The following PKIB variants were observed in gnomAD, a reference collection of about 807,000 sequenced individuals.
PKIB encodes PKI-beta.
PKIB carries 2 observed loss-of-function variants against 4.5 expected under a neutral mutation model. The ratio of observed to expected loss-of-function variants is 0.44; its 90% CI spans 0.18 to 1.39. The LOEUF is 1.39. Among genes scored for constraint, PKIB ranks in the 40% most tolerant of loss-of-function variants. The pLI is 0.27. For synonymous variants in PKIB, 38 were observed against 36.0 expected (o/e 1.06, Z -0.20); for missense variants, 94 against 92.6 (o/e 1.02, Z -0.06).
intron 2 of PKIB, among the ~76,000 whole-genome samples, chr6:122,519,779 A>G (rs1776879318): frequency 6.6e-6 from 1 of 152,214 alleles, no homozygotes; most frequent in Non-Finnish European, 1.5e-5. Flanking sequence ...TGACAGCATA[A>G]TAAATGTTGT....
intron 2 of PKIB, among the ~76,000 whole-genome samples, chr6:122,488,346 G>A (rs555756598): frequency 2.5e-4 from 38 of 152,050 alleles, no homozygotes; most frequent in Admixed American, 2.2e-3. Flanking sequence ...TATTTGCTAC[G>A]TATTTGGCAA....
rs60814813 is a variant in PKIB, at chr6:122,521,532, T to A, written c.-248+43593T>A. Reference sequence around the variant, plus strand: ...TGTCTTTACTAAAAATACAAAAAATTAGCTGGGCGTGGTGGTGGGCGCCTG... The same window carrying A: ...TGTCTTTACTAAAAATACAAAAAATAAGCTGGGCGTGGTGGTGGGCGCCTG... On this transcript the variant is annotated intron_variant, in intron 2 of 6. Transcript: ENST00000392491. 7.6e-3 allele frequency among the ~76,000 whole-genome samples: 1,156 copies of A among 151,706 alleles called. 56 individuals carry two copies. In the East Asian group the frequency reaches 0.14, roughly 18 times the overall value.
intron 2 of PKIB, among the ~76,000 whole-genome samples, chr6:122,651,898 TA>T (rs1368996326): frequency 6.6e-6 from 1 of 152,200 alleles, no homozygotes; most frequent in Admixed American, 6.5e-5. Context: ...TAAAATGCTC[TA>T]AGGCATGAAA....
At chr6:122,611,531 T>TA (rs1301809103) in intron 1 of PKIB, among the ~76,000 whole-genome samples, 4 of 152,264 alleles carry the variant, frequency 2.6e-5, no homozygotes, top group Non-Finnish European at 4.4e-5. Flanking sequence ...AAAAAAATTT[T>TA]AAAAAAACTC....
At chr6:122,498,544 C>G (rs1234929728) in intron 2 of PKIB, among the ~76,000 whole-genome samples, 1 of 152,054 alleles carries the variant, frequency 6.6e-6, no homozygotes, top group Non-Finnish European at 1.5e-5. Context: ...CACAACATAC[C>G]AAAATCTCTG....
chr6:122,577,443 A>AC (rs1370489897), intron 2 of PKIB, among the ~76,000 whole-genome samples: 1 of 152,202 alleles, frequency 6.6e-6, no homozygotes, highest in Non-Finnish European at 1.5e-5. Flanking sequence ...GATTTGATGA[A>AC]CATTTGTGAT....
In PKIB at chr6:122,673,195, G is replaced by T. The variant is rs111609705; in HGVS notation, c.-75-1883G>T. Among the ~76,000 whole-genome samples the T allele has an allele frequency of 3.9e-3, 588 of 152,002 alleles. 2 individuals are homozygous for T. The highest frequency in any genetic ancestry group is 0.013 in the African/African-American group (546 of 41,498). ...TGTAAAAAAAATTAATCATGGAAAG[G>T]TTATAAAATTATAGGGATATTTTAA... is the stretch of plus-strand genomic sequence containing the variant. On this transcript the variant is annotated intron_variant, in intron 2 of 4. Transcript: ENST00000368452.
At chr6:122,502,710 A>AT (rs1776279057) in intron 2 of PKIB, among the ~76,000 whole-genome samples, 1 of 152,176 alleles carries the variant, frequency 6.6e-6, no homozygotes, top group Non-Finnish European at 1.5e-5. Flanking sequence ...AAACCACATC[A>AT]TGTGTCAAAC....
At chr6:122,525,152 A>G (rs1366577203) in intron 2 of PKIB, among the ~76,000 whole-genome samples, 2 of 150,246 alleles carry the variant, frequency 1.3e-5, no homozygotes, top group African/African-American at 4.9e-5. Flanking sequence ...TTGTATTTTT[A>G]TTTTCCTCTG....
In PKIB at chr6:122,564,756, G is replaced by A. The variant is rs117018208; in HGVS notation, c.-247-21165G>A. ...TTACTTGACATTTGCTATTGACATT[G>A]GGAAGGACCCTTTTTTGGTGGCTGC... On this transcript the variant is annotated intron_variant, in intron 2 of 6. Coordinates refer to the PKIB transcript ENST00000392491. 2.1e-3 allele frequency among the ~76,000 whole-genome samples: 327 copies of A among 152,140 alleles called. 4 individuals are homozygous for A. The East Asian group carries it at 0.045, about 21-fold the overall frequency.
chr6:122,668,950 C>T (rs564324942), intron 2 of PKIB, among the ~76,000 whole-genome samples: 19 of 152,300 alleles, frequency 1.2e-4, no homozygotes, highest in Admixed American at 7.8e-4. Flanking sequence ...TGCGTTGGCT[C>T]ACTCCTGTTA....
chr6:122,560,136 G>C (rs1772971222), intron 2 of PKIB, among the ~76,000 whole-genome samples: 1 of 152,102 alleles, frequency 6.6e-6, no homozygotes, highest in African/African-American at 2.4e-5. Context: ...CAGAGAGAAT[G>C]CTTTCAATTT....
chr6:122,696,429 T>G (rs1322347631), intron 3 of PKIB, among the ~76,000 whole-genome samples: 3 of 152,162 alleles, frequency 2.0e-5, no homozygotes, highest in African/African-American at 7.2e-5. Context: ...GATTGAATAA[T>G]AAAAATTCTA....
chr6:122,677,576 T>C (rs1171573038), intron 3 of PKIB, among the ~76,000 whole-genome samples: 1 of 152,212 alleles, frequency 6.6e-6, no homozygotes, highest in Non-Finnish European at 1.5e-5. Flanking sequence ...CCCTTGGCTA[T>C]GTAGCTGCTT....
intron 2 of PKIB, among the ~76,000 whole-genome samples, chr6:122,552,666 C>T (rs906594828): frequency 5.3e-5 from 8 of 152,152 alleles, no homozygotes. Context: ...GCACGAGCCA[C>T]CACACCCAAC....
intron 2 of PKIB, among the ~76,000 whole-genome samples, chr6:122,502,072 C>G (rs1274977243): frequency 6.6e-6 from 1 of 151,800 alleles, no homozygotes; most frequent in African/African-American, 2.4e-5. Flanking sequence ...CTTGCCTCAG[C>G]CTCCCAAGTA....
chr6:122,701,846 CT>C (rs1343213028), intron 3 of PKIB, among the ~76,000 whole-genome samples: 3 of 152,114 alleles, frequency 2.0e-5, no homozygotes, highest in African/African-American at 7.2e-5. Flanking sequence ...CAGCAGTTTA[CT>C]GGTCATACAT....
chr6:122,607,085 A>AAT (rs1020346874), upstream of PKIB, among the ~76,000 whole-genome samples: 34 of 150,318 alleles, frequency 2.3e-4, no homozygotes, highest in Non-Finnish European at 4.3e-4. Context: ...GTAAAAAAAA[A>AAT]AATAATAATA....
intron 4 of PKIB, among the ~76,000 whole-genome samples, chr6:122,718,233 A>C (rs913534690): frequency 2.6e-5 from 4 of 152,230 alleles, no homozygotes; most frequent in Admixed American, 6.5e-5. Context: ...GTAATTGGGA[A>C]TACAAAGGTG....
Sources: allele counts gnomAD v4.1 joint callset (sites outside exome capture counted in the v4.1 genomes callset), GRCh38; gene constraint gnomAD v4.1.1; transcripts MANE v1.5; gene names NCBI Gene and HGNC (gene_info 2026-07-23, HGNC 2026-07-21).